Variants in PARD3 observed in about 807,000 individuals in gnomAD.
PARD3 encodes partitioning defective 3 homolog.
A neutral mutation model predicts 155.4 loss-of-function variants in PARD3; 75 were observed. That is an observed-to-expected ratio of 0.48 (90% CI 0.40 to 0.58). The LOEUF is 0.58. Ranked by LOEUF, PARD3 falls within the 20% of genes least tolerant of loss-of-function variation. The pLI is 0.00. For missense variants in PARD3, 1,642 were observed against 1,721.7 expected, an observed-to-expected ratio of 0.95 and a Z score of 0.82; for synonymous variants, 576 against 610.5, an observed-to-expected ratio of 0.94 and a Z score of 0.83.
chr10:34,706,736 G>T (rs1397333021), intron 1 of PARD3, among the ~76,000 whole-genome samples: 1 of 151,992 alleles, frequency 6.6e-6, no homozygotes, highest in African/African-American at 2.4e-5. Flanking sequence ...ACTCCAGCTG[G>T]GGTAACAAAG....
chr10:34,468,459 T>G (rs989319494), intron 4 of PARD3, among the ~76,000 whole-genome samples: 24 of 152,206 alleles, frequency 1.6e-4, no homozygotes, highest in Non-Finnish European at 2.8e-4. Context: ...TTTACACATT[T>G]GTGAATATCC....
chr10:34,172,207 G>C (rs1429434142), intron 22 of PARD3, among the ~76,000 whole-genome samples: 1 of 152,062 alleles, frequency 6.6e-6, no homozygotes, highest in African/African-American at 2.4e-5. Context: ...TATGGGCTTA[G>C]ATATAAAAGG....
At chr10:34,808,173 G>T (rs1033284128) in intron 1 of PARD3, among the ~76,000 whole-genome samples, 1 of 132,396 alleles carries the variant, frequency 7.6e-6, no homozygotes, top group Non-Finnish European at 1.6e-5. Context: ...AATTAGCCAG[G>T]TGTGGCGGCA....
At chr10:34,269,439 AAT>A (rs1203225374) in intron 22 of PARD3, among the ~76,000 whole-genome samples, 1 of 152,212 alleles carries the variant, frequency 6.6e-6, no homozygotes. Context: ...AACAAAATGA[AAT>A]ATGTTGGAAT....
chr10:34,151,084 G>GA (rs1401856437), intron 22 of PARD3, among the ~76,000 whole-genome samples: 1 of 152,014 alleles, frequency 6.6e-6, no homozygotes, highest in Admixed American at 6.6e-5. Context: ...ATAGTATTGT[G>GA]AAAGAGATTT....
At chr10:34,489,534 A>G (rs2079738856) in intron 3 of PARD3, among the ~76,000 whole-genome samples, 1 of 152,256 alleles carries the variant, frequency 6.6e-6, no homozygotes, top group African/African-American at 2.4e-5. Flanking sequence ...ACAACCCTGT[A>G]CACACTGGCG....
chr10:34,791,835 G>A (rs1841669795), intron 1 of PARD3, among the ~76,000 whole-genome samples: 1 of 149,504 alleles, frequency 6.7e-6, no homozygotes, highest in Non-Finnish European at 1.5e-5. Flanking sequence ...GTCAGACCCT[G>A]CCTCGTTTAA....
At chr10:34,305,874 T>A (rs1337559078) in intron 20 of PARD3, among the ~76,000 whole-genome samples, 1 of 152,168 alleles carries the variant, frequency 6.6e-6, no homozygotes. Context: ...TAGTCCCAGC[T>A]ACTCAGGAGA....
chr10:34,521,412 G>C (rs573919470), intron 2 of PARD3, among the ~76,000 whole-genome samples: 1 of 148,294 alleles, frequency 6.7e-6, no homozygotes, highest in African/African-American at 2.5e-5. Context: ...AAAAAACTGC[G>C]TATTAAAAAT....
chr10:34,758,477 G>A (rs1837024138), intron 1 of PARD3, among the ~76,000 whole-genome samples: 1 of 152,156 alleles, frequency 6.6e-6, no homozygotes, highest in African/African-American at 2.4e-5. Context: ...GAGCAGCTTT[G>A]GAATGAAGGA....
At position 34,618,563 on chromosome 10, in the gene PARD3, T is replaced by TA. The variant is rs796732240; in HGVS notation, c.222+77754dup. Among the ~76,000 whole-genome samples, 348 of 148,650 alleles carry TA rather than the reference T, an allele frequency of 2.3e-3. 2 individuals carry two copies. The highest frequency in any genetic ancestry group is 5.9e-3 in the African/African-American group (242 of 40,708). On this transcript the variant is annotated intron_variant, in intron 2 of 24. Transcript: ENST00000374788. The stretch of plus-strand genomic sequence containing the variant: ...GGTAAACATGCCTATCAATTCATTT[T>TA]AAAAAAAAAACTGGACCCAAAAAAT...
chr10:34,124,036 G>C (rs185280320), intron 23 of PARD3, among the ~76,000 whole-genome samples: 246 of 152,180 alleles, frequency 1.6e-3, no homozygotes, highest in African/African-American at 5.5e-3. Flanking sequence ...TCTTCTTATA[G>C]ATAAGGAAAA....
At chr10:34,238,640 T>C (rs563810011) in intron 22 of PARD3, among the ~76,000 whole-genome samples, 1 of 152,258 alleles carries the variant, frequency 6.6e-6, no homozygotes, top group South Asian at 2.1e-4. Context: ...AAATGCTTTT[T>C]AAAAAACCAT....
chr10:34,687,997 G>A (rs1392791673), intron 2 of PARD3, among the ~76,000 whole-genome samples: 6 of 151,634 alleles, frequency 4.0e-5, no homozygotes, highest in Non-Finnish European at 4.4e-5. Flanking sequence ...TCAGACTACA[G>A]GCCAGCACCA....
At chr10:34,437,152 T>C (rs1589570989) in intron 5 of PARD3, among the ~76,000 whole-genome samples, 1 of 152,116 alleles carries the variant, frequency 6.6e-6, no homozygotes, top group East Asian at 1.9e-4. Flanking sequence ...ACAGGGAAGA[T>C]TAGAATCCTG....
chr10:34,627,684 G>C (rs918626527), intron 2 of PARD3, among the ~76,000 whole-genome samples: 3 of 152,146 alleles, frequency 2.0e-5, no homozygotes, highest in East Asian at 1.9e-4. Flanking sequence ...GAGCCTTTGG[G>C]GAGGGGGGTG....
chr10:34,500,928 T>A (rs1187316459), intron 3 of PARD3, among the ~76,000 whole-genome samples: 1 of 152,144 alleles, frequency 6.6e-6, no homozygotes, highest in Non-Finnish European at 1.5e-5. Flanking sequence ...ACATAATTTT[T>A]CTCATCAAAA....
chr10:34,206,948 A>G (rs1389995014), intron 22 of PARD3, among the ~76,000 whole-genome samples: 1 of 152,120 alleles, frequency 6.6e-6, no homozygotes, highest in Admixed American at 6.5e-5. Flanking sequence ...AGTATCACCT[A>G]TAATTTCACA....
intron 1 of PARD3, among the ~76,000 whole-genome samples, chr10:34,736,102 G>A (rs940884070): frequency 2.6e-5 from 4 of 152,022 alleles, no homozygotes; most frequent in Non-Finnish European, 5.9e-5. Flanking sequence ...CGCGATCTCG[G>A]CTAGCTGCAA....
Sources: gnomAD v4.1 joint callset for allele counts (sites outside exome capture counted in the v4.1 genomes callset) on GRCh38, gnomAD v4.1.1 for gene constraint, MANE v1.5 for transcripts, NCBI Gene and HGNC (gene_info 2026-07-23, HGNC 2026-07-21) for gene names.